PARD3B: variants seen among roughly 807,000 people sequenced by gnomAD.
PARD3B encodes the protein partitioning defective 3 homolog B.
Under a neutral mutation model 130.2 loss-of-function variants are expected in PARD3B, and 103 were observed. That is an observed-to-expected ratio of 0.79 (90% CI 0.67 to 0.93). The LOEUF is 0.93. PARD3B is among the 40% of genes least tolerant of loss of function. PARD3B has a pLI of 0.00. For synonymous variants in PARD3B, 583 were observed against 553.2 expected, an observed-to-expected ratio of 1.05 and a Z score of -0.76; for missense variants, 1,609 against 1,499.2, an observed-to-expected ratio of 1.07 and a Z score of -1.21.
At chr2:205,571,321 A>G (rs1034832415) in intron 22 of PARD3B, among the ~76,000 whole-genome samples, 3 of 152,248 alleles carry the variant, frequency 2.0e-5, no homozygotes, top group African/African-American at 4.8e-5. Context: ...TTTTTTTTAC[A>G]TATGAGTAAC....
chr2:205,184,153 T>C (rs2035961710), intron 13 of PARD3B, among the ~76,000 whole-genome samples: 1 of 152,106 alleles, frequency 6.6e-6, no homozygotes, highest in South Asian at 2.1e-4. Flanking sequence ...GAATCTTGTT[T>C]AAAAACACCC....
In PARD3B at chr2:205,437,251, C is replaced by G. The variant is rs1261046280; in HGVS notation, c.2742-3119C>G. Among the ~76,000 whole-genome samples, 3 of 152,136 alleles carry G rather than the reference C, an allele frequency of 2.0e-5. No individual in the cohort carries two copies. The East Asian group carries it at 5.8e-4, about 29-fold the overall frequency. ...TCCCAATTTCTCAAGTGTTTGTTCA[C>G]ATAGAGTTTCAGGGAGGGAAGTAGA... On this transcript the variant is annotated intron_variant, in intron 19 of 22. Coordinates refer to ENST00000406610, the MANE Select transcript of PARD3B (RefSeq NM_001302769.2).
rs571396497 is a variant in PARD3B at position 204,678,882 on chromosome 2, G to A, written c.121-7299G>A. 1.3e-5 allele frequency among the ~76,000 whole-genome samples: 2 copies of A among 152,130 alleles called. No individual in the cohort carries two copies. Among genetic ancestry groups the A allele is most frequent in the African/African-American group, 4.8e-5 (2 of 41,508 alleles). Reference sequence around the variant, plus strand: ...ATCCAGTATTTCCCTGCCTCCTGTCGGTATCGCTAACATACAGATCAAGAA... The same window carrying A: ...ATCCAGTATTTCCCTGCCTCCTGTCAGTATCGCTAACATACAGATCAAGAA... On this transcript the variant is annotated intron_variant, in intron 1 of 22. Transcript: ENST00000406610. The surrounding 1 kb of genome is among the most constrained non-coding windows in gnomAD (Gnocchi z 4.2).
At chr2:205,506,672 C>T (rs2050377645) in intron 21 of PARD3B, among the ~76,000 whole-genome samples, 2 of 152,100 alleles carry the variant, frequency 1.3e-5, no homozygotes, top group Non-Finnish European at 2.9e-5. Context: ...TCATAAACAC[C>T]AGGAGAAAAG....
chr2:205,408,703 A>G (rs1039387212), intron 19 of PARD3B, among the ~76,000 whole-genome samples: 2 of 152,156 alleles, frequency 1.3e-5, no homozygotes, highest in African/African-American at 4.8e-5. Flanking sequence ...TATTTACTGA[A>G]CTTAATAACT....
chr2:205,174,402 C>T (rs1280207623), intron 12 of PARD3B, among the ~76,000 whole-genome samples: 1 of 152,198 alleles, frequency 6.6e-6, no homozygotes, highest in Non-Finnish European at 1.5e-5. Flanking sequence ...GCACTTGACT[C>T]TCGGCTACTG....
intron 18 of PARD3B, among the ~76,000 whole-genome samples, chr2:205,387,476 A>G (rs1395802300): frequency 6.6e-6 from 1 of 152,154 alleles, no homozygotes; most frequent in African/African-American, 2.4e-5. Flanking sequence ...CTTTTATCCA[A>G]AGTGATTCTT....
rs1489392422 is a variant in PARD3B at position 205,584,957 on chromosome 2, T to G, written c.3261-30499T>G. Among the ~76,000 whole-genome samples, 10 of 152,198 alleles carry G rather than the reference T, an allele frequency of 6.6e-5. No individual in the cohort carries two copies. Among genetic ancestry groups the G allele is most frequent in the Non-Finnish European group, 1.2e-4 (8 of 68,012 alleles). On this transcript the variant is annotated intron_variant, in intron 22 of 22. Coordinates refer to ENST00000406610, the MANE Select transcript of PARD3B (RefSeq NM_001302769.2). The surrounding 1 kb of genome is among the most constrained non-coding windows in gnomAD (Gnocchi z 5.5). ...GTGGCTACATGCAGACACAATTAGG[T>G]GCTTGCAACTTGTTGAAGGCACAGG...
At chr2:205,484,940 A>G (rs1161526488) in intron 20 of PARD3B, among the ~76,000 whole-genome samples, 1 of 152,168 alleles carries the variant, frequency 6.6e-6, no homozygotes, top group Non-Finnish European at 1.5e-5. Flanking sequence ...ATAGAGTTCA[A>G]TTGTCAGCAG....
At chr2:204,568,111 A>G (rs569038336) in intron 1 of PARD3B, among the ~76,000 whole-genome samples, 188 of 152,338 alleles carry the variant, frequency 1.2e-3, no homozygotes, top group Non-Finnish European at 1.9e-3. Flanking sequence ...CTTGAGAAAG[A>G]GTTTTGACTT....
intron 7 of PARD3B, among the ~76,000 whole-genome samples, chr2:205,120,719 G>A (rs1283641487): frequency 6.6e-6 from 1 of 152,182 alleles, no homozygotes; most frequent in Non-Finnish European, 1.5e-5. Flanking sequence ...GATGGCTGCT[G>A]AGTTTCCTCA....
intron 11 of PARD3B, among the ~76,000 whole-genome samples, chr2:205,163,714 C>T (rs1482892162): frequency 6.6e-6 from 1 of 152,184 alleles, no homozygotes. Context: ...AACTACTTAA[C>T]TCCAGTAGGA....
chr2:205,425,728 A>G (rs923015514), intron 19 of PARD3B, among the ~76,000 whole-genome samples: 2 of 152,138 alleles, frequency 1.3e-5, no homozygotes, highest in African/African-American at 4.8e-5. Flanking sequence ...GAAGCTTCCC[A>G]AACTCTACTG....
At chr2:204,918,158 A>T (rs2047517342) in intron 2 of PARD3B, among the ~76,000 whole-genome samples, 1 of 152,248 alleles carries the variant, frequency 6.6e-6, no homozygotes, top group Non-Finnish European at 1.5e-5. Flanking sequence ...GCAGAAGAAA[A>T]TGTAAAATAT....
rs2054297211 is a variant in PARD3B at position 205,589,162 on chromosome 2, T to C, written c.3261-26294T>C. On this transcript the variant is annotated intron_variant, in intron 22 of 22. Transcript: ENST00000406610. The surrounding 1 kb of genome is among the most constrained non-coding windows in gnomAD (Gnocchi z 4.1). ...TATTAACTGAGCATATTGGTGCATG[T>C]CTGTGGTCTCAGCTACTCAGGAGGC... Among the ~76,000 whole-genome samples, 1 of 152,160 alleles carries C rather than the reference T, an allele frequency of 6.6e-6. No individual in the cohort carries two copies. Among genetic ancestry groups the C allele is most frequent in the African/African-American group, 2.4e-5 (1 of 41,456 alleles).
chr2:204,942,784 A>G (rs184504747), intron 2 of PARD3B, among the ~76,000 whole-genome samples: 1 of 152,202 alleles, frequency 6.6e-6, no homozygotes. Flanking sequence ...ATTTTCATAC[A>G]GTGATTTTGA....
chr2:205,162,122 A>G (rs1275958319), intron 11 of PARD3B, among the ~76,000 whole-genome samples: 1 of 152,154 alleles, frequency 6.6e-6, no homozygotes, highest in African/African-American at 2.4e-5. Flanking sequence ...GTAAATCTCT[A>G]TTTGGAAACA....
At chr2:205,077,134 C>A (rs900766034) in intron 4 of PARD3B, among the ~76,000 whole-genome samples, 20 of 152,138 alleles carry the variant, frequency 1.3e-4, no homozygotes, top group African/African-American at 3.4e-4. Context: ...ATATATATAT[C>A]TCTCTCAAGA....
intron 2 of PARD3B, among the ~76,000 whole-genome samples, chr2:204,867,828 G>A (rs995276636): frequency 1.2e-4 from 19 of 152,104 alleles, no homozygotes; most frequent in Non-Finnish European, 2.4e-4. Context: ...AAATCCCATC[G>A]CTGCCTGTTA....
Sources: allele counts gnomAD v4.1 joint callset (sites outside exome capture counted in the v4.1 genomes callset), GRCh38; gene constraint gnomAD v4.1.1; non-coding constraint Gnocchi (gnomAD v3.1); transcripts MANE v1.5; gene names NCBI Gene and HGNC (gene_info 2026-07-23, HGNC 2026-07-21).